Variants in CAMTA1 observed in about 807,000 individuals in gnomAD.
CAMTA1 encodes calmodulin-binding transcription activator 1.
CAMTA1 carries 27 observed loss-of-function variants against 170.9 expected under a neutral mutation model. The observed-to-expected ratio is 0.16, with a 90% CI of 0.12 to 0.22. The LOEUF (loss-of-function observed/expected upper bound fraction) is 0.22, where lower values mean the gene tolerates loss of function less well. CAMTA1 is among the 10% of genes least tolerant of loss of function. The probability of loss-of-function intolerance (pLI) is 1.00; values close to 1 mark genes in which losing one functional copy is unlikely to be tolerated. For synonymous variants in CAMTA1, 833 were observed against 891.5 expected, an observed-to-expected ratio of 0.93 and a Z score of 1.17; for missense variants, 1,619 against 2,217.2, an observed-to-expected ratio of 0.73 and a Z score of 5.42.
At position 7,664,637 on chromosome 1, in the gene CAMTA1, C is replaced by T. The variant is rs111266786; in HGVS notation, c.2090C>T (p.Ala697Val). Residue 697 changes from alanine to valine, a missense_variant, in exon 9 of 23, where the codon GCG (alanine) becomes GTG (valine). By Grantham distance (64) the Ala-to-Val change is moderately conservative. Coordinates refer to ENST00000303635, the MANE Select transcript of CAMTA1 (RefSeq NM_015215.4). ...GAGGTCACCATGGAGACCTCGCAGGCGGCGGAAGGGAGCGAGGTCCTGCTC... is the reference window on the plus strand; with the variant it reads ...GAGGTCACCATGGAGACCTCGCAGGTGGCGGAAGGGAGCGAGGTCCTGCTC... ...EGEVTMETSQ[A>V]AEGSEVLLKS... 1,104 of 1,607,368 alleles carry T rather than the reference C, an allele frequency of 6.9e-4. 5 individuals carry two copies. The African/African-American group carries it at 9.8e-3, about 14-fold the overall frequency.
intron 5 of CAMTA1, among the ~76,000 whole-genome samples, chr1:7,428,639 C>G (rs1027814792): frequency 6.6e-6 from 1 of 152,174 alleles, no homozygotes; most frequent in African/African-American, 2.4e-5. Context: ...TCATCCAGAG[C>G]ACCTGGCTCT....
At position 7,634,972 on chromosome 1, in the gene CAMTA1, C is replaced by T. The variant is rs1256366073; in HGVS notation, c.511-5428C>T. ...GAGGGAGGAGGGATCCCCTCGTCCA[C>T]GGCTCTTCCAGAAGGCTGTGGAACT... On this transcript the variant is annotated intron_variant, in intron 6 of 22. Coordinates refer to ENST00000303635, the MANE Select transcript of CAMTA1 (RefSeq NM_015215.4). This position sits in a 1 kb window ranked among gnomAD's most constrained non-coding sequence, Gnocchi z 6.2. Among the ~76,000 whole-genome samples, 4 of 152,276 alleles carry T rather than the reference C, an allele frequency of 2.6e-5. No individual in the cohort carries two copies. Among genetic ancestry groups the T allele is most frequent in the East Asian group, 3.9e-4 (2 of 5,160 alleles).
In CAMTA1 at chr1:7,044,776, G is replaced by A. The variant is rs1350138150; in HGVS notation, c.235-46528G>A. 6.6e-6 allele frequency among the ~76,000 whole-genome samples: 1 copy of A among 150,530 alleles called. No individual in the cohort carries two copies. The highest frequency in any genetic ancestry group is 1.5e-5 in the Non-Finnish European group (1 of 67,572). On this transcript the variant is annotated intron_variant, in intron 3 of 22. Coordinates refer to ENST00000303635, the MANE Select transcript of CAMTA1 (RefSeq NM_015215.4). The surrounding 1 kb of genome is among the most constrained non-coding windows in gnomAD (Gnocchi z 5.0). ...GTGCAGTCCTCCTGCCCCCCTGCCT[G>A]GCGCATCTTTCCCCCTCACGTCCTC...
chr1:7,202,336 G>C (rs1208840308), intron 4 of CAMTA1, among the ~76,000 whole-genome samples: 1 of 152,074 alleles, frequency 6.6e-6, no homozygotes, highest in Non-Finnish European at 1.5e-5. Context: ...CTCCTACTTT[G>C]TTCTTTTCTT....
chr1:6,923,315 G>A (rs1238106290), intron 3 of CAMTA1, among the ~76,000 whole-genome samples: 1 of 152,180 alleles, frequency 6.6e-6, no homozygotes, highest in Non-Finnish European at 1.5e-5. Flanking sequence ...TCATCCCTGT[G>A]CCATCTGTTA....
intron 3 of CAMTA1, among the ~76,000 whole-genome samples, chr1:6,904,603 T>A (rs1273702867): frequency 6.6e-6 from 1 of 150,838 alleles, no homozygotes; most frequent in East Asian, 1.9e-4. Flanking sequence ...CGCCCCAGGC[T>A]GGAATGCAGT....
intron 3 of CAMTA1, among the ~76,000 whole-genome samples, chr1:6,858,399 C>T (rs1663231520): frequency 7.1e-6 from 1 of 140,434 alleles, no homozygotes. Flanking sequence ...TATTGAGGTT[C>T]TGTTACAACC....
At chr1:7,308,335 TC>T in intron 5 of CAMTA1, among the ~76,000 whole-genome samples, 1 of 152,176 alleles carries the variant, frequency 6.6e-6, no homozygotes, top group South Asian at 2.1e-4. Flanking sequence ...TCTATTTTTT[TC>T]ATTTTCAATT....
chr1:7,586,753 C>A (rs539670370), intron 6 of CAMTA1, among the ~76,000 whole-genome samples: 4 of 152,220 alleles, frequency 2.6e-5, no homozygotes, highest in Admixed American at 2.0e-4. Flanking sequence ...CTGTCGACAG[C>A]CCTGAGATGT....
intron 3 of CAMTA1, among the ~76,000 whole-genome samples, chr1:6,890,380 C>G (rs1288388796): frequency 6.6e-6 from 1 of 152,144 alleles, no homozygotes; most frequent in Non-Finnish European, 1.5e-5. Flanking sequence ...CTCTTAGCTC[C>G]TTTTGAAGAG....
At chr1:7,747,666 A>G in intron 18 of CAMTA1, 44 bp from the exon 19 acceptor site, 1 of 1,357,688 alleles carries the variant, frequency 7.4e-7, no homozygotes, top group South Asian at 1.3e-5. Context: ...CATTTCTGGT[A>G]GTTAATCATT....
chr1:7,498,665 A>T (rs1443678805), intron 6 of CAMTA1, among the ~76,000 whole-genome samples: 1 of 152,078 alleles, frequency 6.6e-6, no homozygotes, highest in Non-Finnish European at 1.5e-5. Context: ...TGGATGTATG[A>T]CTACATTGAG....
chr1:7,056,881 C>T (rs747431555), intron 3 of CAMTA1, among the ~76,000 whole-genome samples: 1 of 152,184 alleles, frequency 6.6e-6, no homozygotes, highest in African/African-American at 2.4e-5. Context: ...GAGAGCCGAT[C>T]GTCTCATCTC....
rs1044662020 is a variant in CAMTA1, at chr1:7,682,730, A to C, written c.2914+4997A>C. 6.6e-6 allele frequency among the ~76,000 whole-genome samples: 1 copy of C among 152,146 alleles called. No homozygotes were observed. The highest frequency in any genetic ancestry group is 1.5e-5 in the Non-Finnish European group (1 of 68,008). ...AGGCCTCTGGGTGCTTCTTCCTCCA[A>C]TGGCAACACTCCAGGGCTTTCTGCT... On this transcript the variant is annotated intron_variant, in intron 11 of 22. Transcript: ENST00000303635. This position sits in a 1 kb window ranked among gnomAD's most constrained non-coding sequence, Gnocchi z 5.0.
At chr1:7,713,970 C>T (rs370598639) in intron 11 of CAMTA1, among the ~76,000 whole-genome samples, 4 of 152,238 alleles carry the variant, frequency 2.6e-5, no homozygotes, top group East Asian at 1.9e-4. Context: ...CTGAAGAGGC[C>T]AAGTTATGAA....
rs11120821 is a variant in CAMTA1 at position 7,050,162 on chromosome 1, C to T, written c.235-41142C>T. ...GAGAGGACGTGGAAGGAGGTGAGGCCGGGGAAGTGACCGGCAGGGCCACGG... is the reference window on the plus strand; with the variant it reads ...GAGAGGACGTGGAAGGAGGTGAGGCTGGGGAAGTGACCGGCAGGGCCACGG... On this transcript the variant is annotated intron_variant, in intron 3 of 22. Coordinates refer to ENST00000303635, the MANE Select transcript of CAMTA1 (RefSeq NM_015215.4). This position sits in a 1 kb window ranked among gnomAD's most constrained non-coding sequence, Gnocchi z 4.8. Among the ~76,000 whole-genome samples, 21,928 of 152,134 alleles carry T rather than the reference C, an allele frequency of 0.14. 2,087 individuals are homozygous for T. The highest frequency in any genetic ancestry group is 0.27 in the East Asian group (1,378 of 5,144).
chr1:7,387,439 A>G (rs1020522299), intron 5 of CAMTA1, among the ~76,000 whole-genome samples: 52 of 152,032 alleles, frequency 3.4e-4, no homozygotes, highest in African/African-American at 1.1e-3. Flanking sequence ...TCTGTTTTCC[A>G]TTTCTGTCCA....
intron 6 of CAMTA1, among the ~76,000 whole-genome samples, chr1:7,617,982 G>T (rs2095571069): frequency 6.6e-6 from 1 of 152,168 alleles, no homozygotes; most frequent in Non-Finnish European, 1.5e-5. Flanking sequence ...CTCTGGACAA[G>T]AAGTCACCCC....
At chr1:6,861,799 A>G (rs968569018) in intron 3 of CAMTA1, among the ~76,000 whole-genome samples, 5 of 152,130 alleles carry the variant, frequency 3.3e-5, no homozygotes, top group Non-Finnish European at 7.4e-5. Context: ...AGCACCATCC[A>G]TCTCCAGAAC....
Sources: allele counts gnomAD v4.1 joint callset (sites outside exome capture counted in the v4.1 genomes callset), GRCh38; gene constraint gnomAD v4.1.1; non-coding constraint Gnocchi (gnomAD v3.1); transcripts MANE v1.5; gene names NCBI Gene and HGNC (gene_info 2026-07-23, HGNC 2026-07-21).